The following PPIP5K1 variants were observed in gnomAD, a reference collection of about 807,000 sequenced individuals.
PPIP5K1 encodes the protein inositol hexakisphosphate and diphosphoinositol-pentakisphosphate kinase 1.
A neutral mutation model predicts 27.7 loss-of-function variants in PPIP5K1; 6 were observed. The ratio of observed to expected loss-of-function variants is 0.22; its 90% CI spans 0.12 to 0.43. The LOEUF (loss-of-function observed/expected upper bound fraction) is 0.43, where lower values mean the gene tolerates loss of function less well. Among genes scored for constraint, PPIP5K1 ranks in the 20% least tolerant of loss-of-function variants. The pLI is 1.00. For synonymous variants in PPIP5K1, 145 were observed against 242.6 expected, an observed-to-expected ratio of 0.60 and a Z score of 3.74; for missense variants, 394 against 635.4, an observed-to-expected ratio of 0.62 and a Z score of 4.08.
At chr15:43,547,838 T>C (rs2081565775) in intron 30 of PPIP5K1, among the ~76,000 whole-genome samples, 1 of 152,228 alleles carries the variant, frequency 6.6e-6, no homozygotes, top group South Asian at 2.1e-4. Context: ...CAGGCCCTCT[T>C]ACAGTTCCCT....
Position 43,586,706 on chromosome 15 carries a change from GATAATAATA to G in PPIP5K1, c.-122-1823_-122-1815del, listed in dbSNP as rs139100270. Among the ~76,000 whole-genome samples, 726 of 94,356 alleles carry G rather than the reference GATAATAATA, an allele frequency of 7.7e-3. 1 individual carries two copies. Among genetic ancestry groups the G allele is most frequent in the Middle Eastern group, 0.039 (7 of 178 alleles). 61.9% of individuals were successfully genotyped at this position (94,356 alleles called of 152,430 possible). A position where few individuals can be genotyped will look rare whatever the true frequency, so the allele number is the denominator to read the frequency against. ...GCAAAACCCTGCCTCAAATAATGAT[GATAATAATA>G]ATAATAATAATAATAATAATAATAA... On this transcript the variant is annotated intron_variant, in intron 1 of 31. Coordinates refer to ENST00000420765, the MANE Select transcript of PPIP5K1 (RefSeq NM_001394395.1).
Position 43,535,220 on chromosome 15 carries a change from C to G in PPIP5K1, c.3927G>C (p.Glu1309Asp). Reference sequence around the variant, plus strand: ...CCTCCTGACATGGCTGGCTGACCTCCTCGTATGGCTGGCTGGTTTCCATAG... The same window carrying G: ...CCTCCTGACATGGCTGGCTGACCTCGTCGTATGGCTGGCTGGTTTCCATAG... ...VPPMETSQPY[E>D]EVSQPCQEVP... The change falls in exon 32 of 32, where the codon GAG (glutamate) becomes GAC (aspartate). Residue 1309 changes from glutamate to aspartate, a missense_variant. Around this residue, in one of 4 missense-constraint regions of PPIP5K1, gnomAD observed 379 missense variants for 423.9 expected, o/e 0.89. Transcript: ENST00000420765. The G allele has an allele frequency of 6.2e-7, 1 of 1,614,162 alleles. No homozygotes were observed.
chr15:43,539,163 A>G (rs1325896298), intron 31 of PPIP5K1, among the ~76,000 whole-genome samples: 2 of 151,540 alleles, frequency 1.3e-5, no homozygotes, highest in East Asian at 3.9e-4. Context: ...GTGAGCCAAG[A>G]TCGTGCCTGG....
At chr15:43,539,651 C>T (rs2080403137) in intron 30 of PPIP5K1, 68 bp from the exon 31 acceptor site, 2 of 1,006,624 alleles carry the variant, frequency 2.0e-6, no homozygotes. Context: ...CCAGGAGCCA[C>T]ACGTTCTCAA....
At chr15:43,557,505 G>T (rs2083139693) in intron 30 of PPIP5K1, among the ~76,000 whole-genome samples, 1 of 152,126 alleles carries the variant, frequency 6.6e-6, no homozygotes, top group Non-Finnish European at 1.5e-5. Flanking sequence ...CAAGGCAGGA[G>T]GATCGTTTGA....
In PPIP5K1 at chr15:43,539,582, G is replaced by A. The variant is rs777572137; in HGVS notation, c.3558C>T (p.Ala1186=). 27 of 1,571,038 alleles carry A rather than the reference G, an allele frequency of 1.7e-5. No homozygotes were observed. Among genetic ancestry groups the A allele is most frequent in the Non-Finnish European group, 2.3e-5 (26 of 1,144,802 alleles). ...HTDAQAQASA[A]LFDSMHSSQA... ...GGCTGCTGTGCATGGAATCAAAGAG[G>A]GCTGGAAAGGAGGTAGGGTGAAGGG... The change falls in exon 31 of 32, where the codon GCC becomes GCT. Residue 1186 remains alanine (A), a splice_region_variant and synonymous_variant. Coordinates refer to ENST00000420765, the MANE Select transcript of PPIP5K1 (RefSeq NM_001394395.1).
At chr15:43,549,744 G>A (rs2081959604) in intron 30 of PPIP5K1, among the ~76,000 whole-genome samples, 1 of 152,116 alleles carries the variant, frequency 6.6e-6, no homozygotes, top group Non-Finnish European at 1.5e-5. Context: ...GCTGAGGTAG[G>A]AGGATCACTT....
intron 30 of PPIP5K1, among the ~76,000 whole-genome samples, chr15:43,553,496 C>T (rs569077243): frequency 1.3e-5 from 2 of 152,232 alleles, no homozygotes; most frequent in South Asian, 4.1e-4. Flanking sequence ...GCATGTGCCA[C>T]CATGCCCAAT....
At chr15:43,543,836 A>ATAGTATCAATATCACTG (rs1405349355) in intron 30 of PPIP5K1, among the ~76,000 whole-genome samples, 2 of 151,328 alleles carry the variant, frequency 1.3e-5, no homozygotes, top group Admixed American at 6.6e-5. Context: ...CACTATATAC[A>ATAGTATCAATATCACTG]TAGTATCAAT....
chr15:43,553,331 TTTC>T (rs941358623), intron 30 of PPIP5K1, among the ~76,000 whole-genome samples: 5 of 151,916 alleles, frequency 3.3e-5, no homozygotes, highest in African/African-American at 7.3e-5. Context: ...CCTTACTAAT[TTTC>T]TTCTTCTTTT....
intron 31 of PPIP5K1, among the ~76,000 whole-genome samples, chr15:43,535,868 T>C (rs184726097): frequency 6.9e-4 from 105 of 152,322 alleles, no homozygotes; most frequent in African/African-American, 2.4e-3. Flanking sequence ...AAAATACTAA[T>C]TTCCAGTTTT....
At chr15:43,545,769 A>AT (rs926352795) in intron 30 of PPIP5K1, among the ~76,000 whole-genome samples, 2 of 151,908 alleles carry the variant, frequency 1.3e-5, no homozygotes, top group African/African-American at 4.8e-5. Flanking sequence ...GCATGGTTTA[A>AT]TTTTTTTTAT....
At chr15:43,543,108 T>G (rs1426690956) in intron 30 of PPIP5K1, among the ~76,000 whole-genome samples, 1 of 151,840 alleles carries the variant, frequency 6.6e-6, no homozygotes, top group African/African-American at 2.4e-5. Flanking sequence ...CAGCCATGCA[T>G]TCCAAACAAA....
rs762219321 is a variant in PPIP5K1, at chr15:43,549,056, A to AATAT, written c.3557-9477_3557-9474dup. Among the ~76,000 whole-genome samples, 538 of 54,144 alleles carry AATAT rather than the reference A, an allele frequency of 9.9e-3. 6 individuals are homozygous for AATAT. Among genetic ancestry groups the AATAT allele is most frequent in the East Asian group, 0.029 (41 of 1,424 alleles). 35.5% of individuals were successfully genotyped at this position (54,144 alleles called of 152,430 possible). A position where few individuals can be genotyped will look rare whatever the true frequency, so the allele number is the denominator to read the frequency against. On this transcript the variant is annotated intron_variant, in intron 30 of 31. Coordinates refer to ENST00000420765, the MANE Select transcript of PPIP5K1 (RefSeq NM_001394395.1). ...AAAAAAAAAAAAAAAAAAAAAAAAA[A>AATAT]ATATATATATATATATATATATATA...
chr15:43,545,721 G>T (rs538134397), intron 30 of PPIP5K1, among the ~76,000 whole-genome samples: 23 of 152,050 alleles, frequency 1.5e-4, no homozygotes, highest in African/African-American at 5.5e-4. Flanking sequence ...AGATGATAAA[G>T]GAATTTACCA....
rs2080363940 is a variant in PPIP5K1 at position 43,539,385 on chromosome 15, T to C, written c.3670+85A>G. The C allele has an allele frequency of 1.0e-5, 10 of 1,004,408 alleles. No homozygotes were observed. The East Asian group carries it at 1.0e-4, about 11-fold the overall frequency. 62.2% of individuals were successfully genotyped at this position (1,004,408 alleles called of 1,614,324 possible). A position where few individuals can be genotyped will look rare whatever the true frequency, so the allele number is the denominator to read the frequency against. Reference sequence around the variant, plus strand: ...CCTGGTCTTTCAAGCCCCACCTTCTTTGACCTCATGCAACAGGCCCCTCAT... The same window carrying C: ...CCTGGTCTTTCAAGCCCCACCTTCTCTGACCTCATGCAACAGGCCCCTCAT... On this transcript the variant is annotated intron_variant, in intron 31 of 31. Transcript: ENST00000420765.
chr15:43,553,759 C>T (rs1303497473), intron 30 of PPIP5K1, among the ~76,000 whole-genome samples: 1 of 151,868 alleles, frequency 6.6e-6, no homozygotes, highest in East Asian at 1.9e-4. Context: ...ATTCTCCTGC[C>T]TCAGCCTCCC....
rs1257986002 is a variant in PPIP5K1 at position 43,535,086 on chromosome 15, T to C, written c.4061A>G (p.Asn1354Ser). 5.0e-6 allele frequency: 8 copies of C among 1,613,812 alleles called. No homozygotes were observed. Among genetic ancestry groups the C allele is most frequent in the Non-Finnish European group, 6.8e-6 (8 of 1,179,944 alleles). Residue 1354 changes from asparagine to serine, a missense_variant, in exon 32 of 32, where the codon AAC becomes AGC. This residue lies in a region of PPIP5K1 where 379 missense variants were observed against 423.9 expected (regional missense o/e 0.89). Coordinates refer to ENST00000420765, the MANE Select transcript of PPIP5K1 (RefSeq NM_001394395.1). Reference protein sequence around the residue: ...QQCQENHDNGNHTCQEVPHIS... With the variant: ...QQCQENHDNGSHTCQEVPHIS... ...GTGAGGGACCTCCTGGCATGTGTGGTTACCATTGTCATGGTTCTCCTGGCA... is the reference window on the plus strand; with the variant it reads ...GTGAGGGACCTCCTGGCATGTGTGGCTACCATTGTCATGGTTCTCCTGGCA...
At position 43,537,418 on chromosome 15, in the gene PPIP5K1, G is replaced by A. The variant is rs183834753; in HGVS notation, c.3671-1942C>T. ...CAAGCAGAAAAAGAAGCCAGACGCGGTGGCTCATGCCTGTAATCCCAACAC... is the reference window on the plus strand; with the variant it reads ...CAAGCAGAAAAAGAAGCCAGACGCGATGGCTCATGCCTGTAATCCCAACAC... On this transcript the variant is annotated intron_variant, in intron 31 of 31. Coordinates refer to ENST00000420765, the MANE Select transcript of PPIP5K1 (RefSeq NM_001394395.1). The A allele has an allele frequency of 3.1e-3, 1,034 of 329,690 alleles. 5 individuals carry two copies. Among genetic ancestry groups the A allele is most frequent in the Non-Finnish European group, 5.0e-3 (844 of 168,462 alleles). The allele number at this position is 329,690 out of a possible 1,614,324, so 20.4% of individuals were successfully genotyped here.
Sources: allele counts gnomAD v4.1 joint callset (sites outside exome capture counted in the v4.1 genomes callset), GRCh38; gene constraint gnomAD v4.1.1; regional missense constraint gnomAD v4.1.1; transcripts MANE v1.5; gene names NCBI Gene and HGNC (gene_info 2026-07-23, HGNC 2026-07-21).